Variants in UGT1A5 observed in about 807,000 individuals in gnomAD.
UGT1A5 encodes UDP-glucuronosyltransferase 1A5.
Under a neutral mutation model 40.3 loss-of-function variants are expected in UGT1A5, and 29 were observed. That is an observed-to-expected ratio of 0.72 (90% CI 0.54 to 0.98). The LOEUF is 0.98. Among genes scored for constraint, UGT1A5 ranks in the 50% least tolerant of loss-of-function variants. UGT1A5 has a pLI of 0.00. For synonymous variants in UGT1A5, 257 were observed against 262.5 expected, an observed-to-expected ratio of 0.98 and a Z score of 0.20; for missense variants, 678 against 677.9, an observed-to-expected ratio of 1.00 and a Z score of 0.00.
chr2:233,747,166 G>A, intron 1 of UGT1A5: 1 of 1,592,464 alleles, frequency 6.3e-7, no homozygotes, highest in Non-Finnish European at 8.5e-7. Context: ...ACAAATGTAG[G>A]AGGCACAGCG....
At chr2:233,743,699 G>C (rs780880081) in intron 1 of UGT1A5, 1 of 1,367,268 alleles carries the variant, frequency 7.3e-7, no homozygotes, top group Non-Finnish European at 9.8e-7. Flanking sequence ...GCCGCCCTCC[G>C]CCCCCGCCTC....
chr2:233,758,377 G>A (rs1376342494), intron 1 of UGT1A5, among the ~76,000 whole-genome samples: 2 of 152,208 alleles, frequency 1.3e-5, no homozygotes, highest in Non-Finnish European at 2.9e-5. Flanking sequence ...CATTACAGTG[G>A]TGACTTATGT....
intron 1 of UGT1A5, chr2:233,760,357 G>T: frequency 6.2e-7 from 1 of 1,614,100 alleles, no homozygotes; most frequent in South Asian, 1.1e-5. Flanking sequence ...GGGCCCAGTG[G>T]TGTCCCATGC....
At chr2:233,738,412 C>T (rs988923331) in intron 1 of UGT1A5, among the ~76,000 whole-genome samples, 1 of 152,164 alleles carries the variant, frequency 6.6e-6, no homozygotes, top group East Asian at 1.9e-4. Context: ...GGGTAACAGG[C>T]AGAGGCTGGA....
intron 1 of UGT1A5, among the ~76,000 whole-genome samples, chr2:233,742,120 G>T (rs910307834): frequency 7.9e-5 from 12 of 151,826 alleles, no homozygotes; most frequent in Admixed American, 6.5e-5. Flanking sequence ...CAGCTTGGTC[G>T]TGGAGACCCT....
At chr2:233,729,676 G>A in intron 1 of UGT1A5, 1 of 1,613,778 alleles carries the variant, frequency 6.2e-7, no homozygotes, top group African/African-American at 1.3e-5. Context: ...AGACTTTAAG[G>A]GCACACAGTG....
chr2:233,762,102 G>T (rs1697968941), intron 1 of UGT1A5, among the ~76,000 whole-genome samples: 1 of 151,864 alleles, frequency 6.6e-6, no homozygotes, highest in Non-Finnish European at 1.5e-5. Flanking sequence ...GTTGTTGATT[G>T]TCCGCTTCAC....
chr2:233,768,873 C>T (rs952377610), intron 4 of UGT1A5, among the ~76,000 whole-genome samples: 1 of 151,950 alleles, frequency 6.6e-6, no homozygotes, highest in African/African-American at 2.4e-5. Flanking sequence ...CATGAGCCAG[C>T]GCGTCTGACC....
chr2:233,720,877 T>C (rs1220969089), intron 1 of UGT1A5, among the ~76,000 whole-genome samples: 1 of 150,532 alleles, frequency 6.6e-6, no homozygotes, highest in Non-Finnish European at 1.5e-5. Context: ...GGCAATTTTT[T>C]TTTTTTTTTT....
intron 1 of UGT1A5, chr2:233,718,932 G>A (rs781665803): frequency 3.7e-6 from 6 of 1,614,132 alleles, no homozygotes; most frequent in Non-Finnish European, 4.2e-6. Context: ...GCCCACTGAT[G>A]GCAGCCCCTG....
rs1004676304 is a variant in UGT1A5, at chr2:233,769,752, G to A, written c.1307+1313G>A. On this transcript the variant is annotated intron_variant, in intron 4 of 4. Transcript: ENST00000373414. This position sits in a 1 kb window ranked among gnomAD's most constrained non-coding sequence, Gnocchi z 4.4. ...CGCCTGTAGTCCCAGCCACTCTGGA[G>A]GCTAAGGCGGGAGGATTGCTTGAGC... is the stretch of plus-strand genomic sequence containing the variant. The A allele has an allele frequency of 7.0e-6, 10 of 1,432,670 alleles. No homozygotes were observed. In the African/African-American group the frequency reaches 1.3e-4, roughly 18 times the overall value. 88.7% of individuals were successfully genotyped at this position (1,432,670 alleles called of 1,614,324 possible). A position where few individuals can be genotyped will look rare whatever the true frequency, so the allele number is the denominator to read the frequency against.
chr2:233,729,495 C>T, intron 1 of UGT1A5: 1 of 1,614,190 alleles, frequency 6.2e-7, no homozygotes, highest in Non-Finnish European at 8.5e-7. Flanking sequence ...TGTCTTTGGT[C>T]TATCATAGGT....
At chr2:233,716,425 C>T (rs967388404) in intron 1 of UGT1A5, among the ~76,000 whole-genome samples, 13 of 152,316 alleles carry the variant, frequency 8.5e-5, no homozygotes, top group African/African-American at 3.1e-4. Flanking sequence ...TTATTCAAAA[C>T]TTGGAGGTTT....
At chr2:233,730,406 G>A (rs538447912) in intron 1 of UGT1A5, among the ~76,000 whole-genome samples, 13 of 152,316 alleles carry the variant, frequency 8.5e-5, no homozygotes, top group African/African-American at 3.1e-4. Flanking sequence ...AATTACAATT[G>A]TTGACATGAT....
intron 3 of UGT1A5, 26 bp downstream of exon 3, chr2:233,767,962 G>C (rs775218208): frequency 6.2e-7 from 1 of 1,614,120 alleles, no homozygotes; most frequent in Non-Finnish European, 8.5e-7. Context: ...TGGATGTATA[G>C]GTCAAACCAG....
intron 1 of UGT1A5, among the ~76,000 whole-genome samples, chr2:233,763,856 G>A (rs1698413440): frequency 6.6e-6 from 1 of 152,158 alleles, no homozygotes; most frequent in Non-Finnish European, 1.5e-5. Context: ...GTGGTTCACA[G>A]ACAATCGCAA....
At chr2:233,747,795 CCTAAGTTA>C (rs2125887995) in intron 1 of UGT1A5, 1 of 1,613,516 alleles carries the variant, frequency 6.2e-7, no homozygotes, top group South Asian at 1.1e-5. Context: ...CTCCTATATT[CCTAAGTTA>C]CTAACGACCA....
In UGT1A5 at chr2:233,772,443, T is replaced by A; in HGVS notation, c.1489T>A (p.Leu497Met). 6.2e-7 allele frequency: 1 copy of A among 1,614,238 alleles called. No homozygotes were observed. The highest frequency in any genetic ancestry group is 8.5e-7 in the Non-Finnish European group (1 of 1,180,046). ...YHSLDVIGFLLAVVLTVAFIT... is the reference protein window; with the variant it reads ...YHSLDVIGFLMAVVLTVAFIT... ...TTCCTTGGACGTGATTGGTTTCCTCTTGGCCGTCGTGCTGACAGTGGCCTT... is the reference window on the plus strand; with the variant it reads ...TTCCTTGGACGTGATTGGTTTCCTCATGGCCGTCGTGCTGACAGTGGCCTT... Residue 497 changes from leucine (L) to methionine (M), a missense_variant, in exon 5 of 5, where the codon TTG becomes ATG. Coordinates refer to ENST00000373414, the MANE Select transcript of UGT1A5 (RefSeq NM_019078.2).
At chr2:233,744,678 A>G (rs965177544) in intron 1 of UGT1A5, among the ~76,000 whole-genome samples, 2 of 151,880 alleles carry the variant, frequency 1.3e-5, no homozygotes, top group African/African-American at 2.4e-5. Context: ...CACATCACCC[A>G]TGTAGCTTCT....
Sources: allele counts gnomAD v4.1 joint callset (sites outside exome capture counted in the v4.1 genomes callset), GRCh38; gene constraint gnomAD v4.1.1; non-coding constraint Gnocchi (gnomAD v3.1); transcripts MANE v1.5; gene names NCBI Gene and HGNC (gene_info 2026-07-23, HGNC 2026-07-21).